The following YAF2 variants were observed in gnomAD, a reference collection of about 807,000 sequenced individuals.
The protein encoded by YAF2 is YY1-associated factor 2.
Under a neutral mutation model 20.1 loss-of-function variants are expected in YAF2, and 7 were observed. The ratio of observed to expected loss-of-function variants is 0.35; its 90% CI spans 0.20 to 0.65. The LOEUF is 0.65. Among genes scored for constraint, YAF2 ranks in the 30% least tolerant of loss-of-function variants. The probability of loss-of-function intolerance (pLI) is 0.69; values close to 1 mark genes in which losing one functional copy is unlikely to be tolerated. For missense variants in YAF2, 151 were observed against 219.2 expected, an observed-to-expected ratio of 0.69 and a Z score of 1.96; for synonymous variants, 74 against 76.0, an observed-to-expected ratio of 0.97 and a Z score of 0.14.
Position 42,158,894 on chromosome 12 carries a change from A to C in YAF2, c.*1695T>G, listed in dbSNP as rs1592137518. 6.6e-6 allele frequency: 1 copy of C among 152,318 alleles called. No homozygotes were observed. Among genetic ancestry groups the C allele is most frequent in the East Asian group, 1.9e-4 (1 of 5,182 alleles). The allele number at this position is 152,318 out of a possible 1,614,324, so 9.4% of individuals were successfully genotyped here. On this transcript the variant is annotated 3_prime_UTR_variant, in exon 4 of 4. Transcript: ENST00000534854. ...TTTTTACTATCTCCAAAAATGTATA[A>C]AACATTTGAAACATGTTAAAAACAG...
chr12:42,219,742 G>C, intron 2 of YAF2, among the ~76,000 whole-genome samples: 1 of 152,126 alleles, frequency 6.6e-6, no homozygotes, highest in East Asian at 1.9e-4. Flanking sequence ...AAATACAGCA[G>C]TGTTTCTCAA....
rs1232412325 is a variant in YAF2, at chr12:42,159,646, C to A, written c.*943G>T. ...TATTTCCCATTTCTGTGCAATAATT[C>A]CCATTTCTGTTTTAATTAGATTCAT... On this transcript the variant is annotated 3_prime_UTR_variant, in exon 4 of 4. Coordinates refer to ENST00000534854, the MANE Select transcript of YAF2 (RefSeq NM_005748.6). The A allele has an allele frequency of 1.3e-5, 2 of 152,056 alleles. No homozygotes were observed. Among genetic ancestry groups the A allele is most frequent in the African/African-American group, 4.8e-5 (2 of 41,402 alleles). 9.4% of individuals were successfully genotyped at this position (152,056 alleles called of 1,614,324 possible).
rs550772870 is a variant in YAF2 at position 42,198,177 on chromosome 12, AAGG to A, written c.153-36415_153-36413del. On this transcript the variant is annotated intron_variant, in intron 2 of 3. Coordinates refer to ENST00000534854, the MANE Select transcript of YAF2 (RefSeq NM_005748.6). Reference sequence around the variant, plus strand: ...TCAGAGTAATGACTTTAAAGCAAAAAAGGAGAAGTTAGTGGCCTTTCCTTAGGG... The same window carrying A: ...TCAGAGTAATGACTTTAAAGCAAAAAAGAAGTTAGTGGCCTTTCCTTAGGG... Among the ~76,000 whole-genome samples the A allele has an allele frequency of 4.8e-3, 725 of 152,266 alleles. 3 individuals are homozygous for A. The highest frequency in any genetic ancestry group is 0.017 in the African/African-American group (704 of 41,544).
At chr12:42,236,119 C>T (rs940372005) in intron 2 of YAF2, 81 of 1,377,214 alleles carry the variant, frequency 5.9e-5, no homozygotes, top group Non-Finnish European at 7.7e-5. Flanking sequence ...TAATTGTTTC[C>T]ACTTTAATGT....
At chr12:42,178,358 G>A (rs926748613) in intron 2 of YAF2, among the ~76,000 whole-genome samples, 3 of 152,012 alleles carry the variant, frequency 2.0e-5, no homozygotes, top group Non-Finnish European at 2.9e-5. Context: ...AATCTCCTGG[G>A]CTGCTCCTAT....
chr12:42,172,858 C>A (rs78226327), intron 2 of YAF2, among the ~76,000 whole-genome samples: 2 of 152,136 alleles, frequency 1.3e-5, no homozygotes, highest in African/African-American at 4.8e-5. Context: ...GATGAGCCTA[C>A]GGCATTATGC....
intron 2 of YAF2, among the ~76,000 whole-genome samples, chr12:42,208,083 G>C (rs1248520937): frequency 1.3e-5 from 2 of 152,100 alleles, no homozygotes; most frequent in Non-Finnish European, 2.9e-5. Flanking sequence ...CAACATACCT[G>C]TGTAAAAAAT....
chr12:42,236,950 T>A (rs115838767), intron 2 of YAF2, among the ~76,000 whole-genome samples: 1,599 of 152,280 alleles, frequency 0.011, 29 homozygotes, highest in African/African-American at 0.037. Flanking sequence ...AGTCTGAAAA[T>A]AGGCAGAGAT....
At chr12:42,219,493 C>T (rs1049175682) in intron 2 of YAF2, among the ~76,000 whole-genome samples, 2 of 152,124 alleles carry the variant, frequency 1.3e-5, no homozygotes, top group Non-Finnish European at 2.9e-5. Flanking sequence ...GTTCATTAAG[C>T]TCATTCAGAG....
At chr12:42,235,858 T>G in intron 2 of YAF2, 1 of 1,536,092 alleles carries the variant, frequency 6.5e-7, no homozygotes, top group Non-Finnish European at 8.7e-7. Context: ...TGTACTATAT[T>G]CCTTCTTCTT....
intron 2 of YAF2, chr12:42,237,397 T>A: frequency 7.8e-7 from 1 of 1,281,882 alleles, no homozygotes; most frequent in Non-Finnish European, 9.9e-7. Flanking sequence ...GCAAAAAACG[T>A]TACAGCCTCT....
At chr12:42,232,527 T>C (rs1238232497) in intron 2 of YAF2, 2 of 985,354 alleles carry the variant, frequency 2.0e-6, no homozygotes, top group East Asian at 2.3e-4. Context: ...AGAAATCTCC[T>C]AGAATAAGGA....
intron 2 of YAF2, chr12:42,234,180 C>CAA (rs745855424): frequency 1.8e-4 from 143 of 806,242 alleles, no homozygotes; most frequent in Non-Finnish European, 2.0e-4. Context: ...AATTCTGCCT[C>CAA]AAAAAAAAAA....
chr12:42,204,829 A>C (rs1463927826), intron 2 of YAF2, among the ~76,000 whole-genome samples: 1 of 152,188 alleles, frequency 6.6e-6, no homozygotes, highest in Non-Finnish European at 1.5e-5. Context: ...CCCAAAACAC[A>C]TGTTGTATAA....
chr12:42,191,308 T>C lies in YAF2; in HGVS notation c.153-29543A>G, dbSNP rs190568390. 6.4e-4 allele frequency among the ~76,000 whole-genome samples: 98 copies of C among 152,304 alleles called. 1 individual carries two copies. Among genetic ancestry groups the C allele is most frequent in the African/African-American group, 2.0e-3 (83 of 41,574 alleles). ...GAAACTATACCCTAGATTATCAGTG[T>C]CTCTTTTTCTCACCTGATGTCTACT... On this transcript the variant is annotated intron_variant, in intron 2 of 3. Transcript: ENST00000534854.
chr12:42,210,245 A>T lies in YAF2; in HGVS notation c.152+27354T>A, dbSNP rs2067167577. On this transcript the variant is annotated intron_variant, in intron 2 of 3. Coordinates refer to ENST00000534854, the MANE Select transcript of YAF2 (RefSeq NM_005748.6). ...CATAATCCATATCAAATGTACAAAA[A>T]GAAGCTATCCCAAGTAACTTCCTTT... 7.3e-6 allele frequency: 4 copies of T among 547,768 alleles called. No individual in the cohort carries two copies. In the South Asian group the frequency reaches 8.0e-5, roughly 11 times the overall value. The allele number at this position is 547,768 out of a possible 1,614,324, so 33.9% of individuals were successfully genotyped here. A position where few individuals can be genotyped will look rare whatever the true frequency, so the allele number is the denominator to read the frequency against.
intron 2 of YAF2, among the ~76,000 whole-genome samples, chr12:42,219,766 T>C (rs2067460996): frequency 6.6e-6 from 1 of 152,202 alleles, no homozygotes; most frequent in African/African-American, 2.4e-5. Flanking sequence ...TTAATGTGCA[T>C]ATAAATAACC....
intron 2 of YAF2, chr12:42,212,597 G>T (rs2067244594): frequency 7.6e-6 from 2 of 264,020 alleles, no homozygotes; most frequent in South Asian, 7.1e-5. Context: ...GGGATAAAAT[G>T]GTCTGTAAAA....
In YAF2 at chr12:42,158,118, G is replaced by A. The variant is rs1239961431; in HGVS notation, c.*2471C>T. On this transcript the variant is annotated 3_prime_UTR_variant, in exon 4 of 4. Coordinates refer to ENST00000534854, the MANE Select transcript of YAF2 (RefSeq NM_005748.6). ...CGTCAGTTCTGTTTATGGAATTTGG[G>A]TCTGTTTTCCTGGTGTGGAAGTGTA... 1 of 152,188 alleles carries A rather than the reference G, an allele frequency of 6.6e-6. No individual in the cohort carries two copies. Among genetic ancestry groups the A allele is most frequent in the Non-Finnish European group, 1.5e-5 (1 of 68,030 alleles). The allele number at this position is 152,188 out of a possible 1,614,324, so 9.4% of individuals were successfully genotyped here.
Sources: gnomAD v4.1 joint callset for allele counts (sites outside exome capture counted in the v4.1 genomes callset) on GRCh38, gnomAD v4.1.1 for gene constraint, MANE v1.5 for transcripts, NCBI Gene and HGNC (gene_info 2026-07-23, HGNC 2026-07-21) for gene names.